CORIN: variants seen among roughly 807,000 people sequenced by gnomAD.
CORIN encodes corin, serine peptidase.
Under a neutral mutation model 125.3 loss-of-function variants are expected in CORIN, and 117 were observed. The observed-to-expected ratio is 0.93, with a 90% CI of 0.80 to 1.09. CORIN has a LOEUF of 1.09. Ranked by LOEUF, CORIN falls within the 50% of genes least tolerant of loss-of-function variation. CORIN has a pLI of 0.00. For synonymous variants in CORIN, 450 were observed against 466.4 expected (o/e 0.96, Z 0.45); for missense variants, 1,253 against 1,306.7 (o/e 0.96, Z 0.63).
intron 4 of CORIN, among the ~76,000 whole-genome samples, chr4:47,758,368 G>A (rs867986188): frequency 9.2e-5 from 14 of 152,278 alleles, no homozygotes; most frequent in African/African-American, 3.1e-4. Context: ...GATGTTCATG[G>A]TTGGAAGAAT....
chr4:47,669,849 G>A (rs1012017229), intron 10 of CORIN, among the ~76,000 whole-genome samples: 12 of 152,134 alleles, frequency 7.9e-5, no homozygotes, highest in Admixed American at 4.6e-4. Flanking sequence ...GATTACAGGC[G>A]TGAGCCACCG....
At chr4:47,776,806 A>G (rs773884679) in intron 3 of CORIN, among the ~76,000 whole-genome samples, 30 of 152,210 alleles carry the variant, frequency 2.0e-4, no homozygotes, top group Non-Finnish European at 3.4e-4. Context: ...TCTCTGTTCA[A>G]TTGATTCAAG....
intron 4 of CORIN, among the ~76,000 whole-genome samples, chr4:47,747,564 C>A (rs571333750): frequency 5.3e-5 from 8 of 152,106 alleles, no homozygotes; most frequent in Non-Finnish European, 4.4e-5. Context: ...TTTCTTAGAA[C>A]CTTCTAGGGT....
intron 19 of CORIN, among the ~76,000 whole-genome samples, chr4:47,620,720 T>G (rs1722272011): frequency 6.6e-6 from 1 of 152,238 alleles, no homozygotes; most frequent in Non-Finnish European, 1.5e-5. Flanking sequence ...TACCTTTCGG[T>G]GTCTTACTGG....
At chr4:47,625,492 C>G (rs1488468528) in intron 17 of CORIN, among the ~76,000 whole-genome samples, 1 of 152,022 alleles carries the variant, frequency 6.6e-6, no homozygotes, top group East Asian at 1.9e-4. Flanking sequence ...GGAAACAAAT[C>G]ACTTGGTTAA....
At chr4:47,618,663 C>CA (rs1722178735) in intron 19 of CORIN, among the ~76,000 whole-genome samples, 2 of 150,682 alleles carry the variant, frequency 1.3e-5, no homozygotes, top group African/African-American at 4.9e-5. Context: ...ACTAAAAATA[C>CA]AAAAAATTAG....
intron 12 of CORIN, 78 bp from the exon 13 acceptor site, chr4:47,653,738 T>C (rs1723840761): frequency 1.6e-6 from 2 of 1,282,824 alleles, no homozygotes; most frequent in East Asian, 2.4e-5. Flanking sequence ...ATGTAGGATG[T>C]TGTCAAGGAG....
rs142121105 is a variant in CORIN at position 47,622,677 on chromosome 4, G to A, written c.2540+894C>T. Among the ~76,000 whole-genome samples the A allele has an allele frequency of 6.8e-4, 103 of 152,008 alleles. No homozygotes were observed. The East Asian group carries it at 0.015, about 22-fold the overall frequency. On this transcript the variant is annotated intron_variant, in intron 19 of 21. Coordinates refer to ENST00000273857, the MANE Select transcript of CORIN (RefSeq NM_006587.4). ...TGAGAAGTGTCTGTTCATGTCCTTCGCCCACTTTTTGATGGGGTTGAATAG... is the reference window on the plus strand; with the variant it reads ...TGAGAAGTGTCTGTTCATGTCCTTCACCCACTTTTTGATGGGGTTGAATAG...
At chr4:47,626,619 C>T in intron 16 of CORIN, 98 bp from the exon 17 acceptor site, 1 of 806,904 alleles carries the variant, frequency 1.2e-6, no homozygotes, top group South Asian at 1.4e-5. Flanking sequence ...AAAAGAAGCA[C>T]TAAATCATGT....
rs140927684 is a variant in CORIN, at chr4:47,658,778, C to T, written c.1735+2933G>A. ...CTCCCTTTTGGTTATACAAATTTCT[C>T]CAGCAATTCAGCCTGCTTGAATTCC... On this transcript the variant is annotated intron_variant, in intron 12 of 21. Transcript: ENST00000273857. Among the ~76,000 whole-genome samples the T allele has an allele frequency of 1.3e-4, 20 of 152,380 alleles. No homozygotes were observed. In the East Asian group the frequency reaches 3.7e-3, roughly 28 times the overall value.
chr4:47,643,339 A>C (rs1328371575), intron 14 of CORIN, 83 bp from the exon 15 acceptor site: 5 of 1,272,648 alleles, frequency 3.9e-6, no homozygotes, highest in Non-Finnish European at 5.5e-6. Flanking sequence ...TTCATGTGCC[A>C]GCAGGAGCAT....
chr4:47,744,608 G>C, intron 4 of CORIN, 25 bp from the exon 5 acceptor site: 1 of 1,544,506 alleles, frequency 6.5e-7, no homozygotes, highest in South Asian at 1.2e-5. Context: ...AGAGAAAGGT[G>C]AAAATTAGTG....
At chr4:47,808,891 C>T (rs879904708) in intron 1 of CORIN, among the ~76,000 whole-genome samples, 6 of 152,160 alleles carry the variant, frequency 3.9e-5, no homozygotes, top group Non-Finnish European at 7.4e-5. Flanking sequence ...GACTTCAAAC[C>T]ACTGTCTCTC....
chr4:47,722,927 G>T (rs959447201), intron 5 of CORIN, among the ~76,000 whole-genome samples: 1 of 152,188 alleles, frequency 6.6e-6, no homozygotes, highest in Non-Finnish European at 1.5e-5. Context: ...GAGCTTTCTG[G>T]TGTTTTTCTT....
At chr4:47,836,192 C>G (rs896900034) in intron 1 of CORIN, among the ~76,000 whole-genome samples, 1 of 152,202 alleles carries the variant, frequency 6.6e-6, no homozygotes, top group African/African-American at 2.4e-5. Context: ...TCGCAAGCCC[C>G]AGGAACCTCC....
At position 47,678,206 on chromosome 4, in the gene CORIN, T is replaced by C. The variant is rs143845282; in HGVS notation, c.1133-152A>G. On this transcript the variant is annotated intron_variant, in intron 8 of 21. Transcript: ENST00000273857. ...CATATCATTGATTTTATTTCTAGAATTTTTCCTGCCTTATTGAACAGCACT... is the reference window on the plus strand; with the variant it reads ...CATATCATTGATTTTATTTCTAGAACTTTTCCTGCCTTATTGAACAGCACT... 34 of 635,608 alleles carry C rather than the reference T, an allele frequency of 5.3e-5. 1 individual carries two copies. In the East Asian group the frequency reaches 7.7e-4, roughly 14 times the overall value. 39.4% of individuals were successfully genotyped at this position (635,608 alleles called of 1,614,324 possible).
intron 1 of CORIN, among the ~76,000 whole-genome samples, chr4:47,834,157 A>G (rs917037075): frequency 3.9e-5 from 6 of 152,236 alleles, no homozygotes; most frequent in Non-Finnish European, 5.9e-5. Flanking sequence ...AGCATTATTC[A>G]CAATAGCAAA....
At chr4:47,667,113 T>C (rs559208402) in intron 10 of CORIN, among the ~76,000 whole-genome samples, 1 of 152,200 alleles carries the variant, frequency 6.6e-6, no homozygotes, top group African/African-American at 2.4e-5. Context: ...TCACAAAATC[T>C]GATGATTTTA....
chr4:47,658,981 G>T (rs1724121821), intron 12 of CORIN, among the ~76,000 whole-genome samples: 2 of 152,182 alleles, frequency 1.3e-5, no homozygotes, highest in Admixed American at 1.3e-4. Context: ...TTGTTGCTTA[G>T]AAATTTCTTT....
Sources: gnomAD v4.1 joint callset for allele counts (sites outside exome capture counted in the v4.1 genomes callset) on GRCh38, gnomAD v4.1.1 for gene constraint, MANE v1.5 for transcripts, NCBI Gene and HGNC (gene_info 2026-07-23, HGNC 2026-07-21) for gene names.